The following UBE3A variants were observed in gnomAD, a reference collection of about 807,000 sequenced individuals.
The protein encoded by UBE3A is ubiquitin-protein ligase E3A.
A neutral mutation model predicts 83.4 loss-of-function variants in UBE3A; 6 were observed. That is an observed-to-expected ratio of 0.07 (90% CI 0.04 to 0.14). The LOEUF (loss-of-function observed/expected upper bound fraction) is 0.14. Among genes scored for constraint, UBE3A ranks in the 10% least tolerant of loss-of-function variants. The pLI is 1.00. For missense variants in UBE3A, 456 were observed against 1,036.1 expected, an observed-to-expected ratio of 0.44 and a Z score of 7.69; for synonymous variants, 337 against 355.4, an observed-to-expected ratio of 0.95 and a Z score of 0.58.
chr15:25,348,890 C>G (rs1414530220), intron 11 of UBE3A, among the ~76,000 whole-genome samples: 1 of 152,206 alleles, frequency 6.6e-6, no homozygotes, highest in African/African-American at 2.4e-5. Flanking sequence ...TCCAAATTGA[C>G]CTGCCCCAGT....
intron 1 of UBE3A, among the ~76,000 whole-genome samples, chr15:25,424,279 A>G (rs915757174): frequency 6.6e-6 from 1 of 151,784 alleles, no homozygotes; most frequent in Non-Finnish European, 1.5e-5. Context: ...TATTCACTAC[A>G]CTCTGCCTGA....
chr15:25,368,654 A>G (rs1371285492), intron 6 of UBE3A, among the ~76,000 whole-genome samples: 1 of 152,156 alleles, frequency 6.6e-6, no homozygotes, highest in Non-Finnish European at 1.5e-5. Context: ...ATTAAGCAGA[A>G]CTTGCTAAAA....
Position 25,433,132 on chromosome 15 carries a change from A to C in UBE3A, c.-165+5357T>G, listed in dbSNP as rs74337129. On this transcript the variant is annotated intron_variant, in intron 1 of 12. Transcript: ENST00000648336. Reference sequence around the variant, plus strand: ...AAGATCCATTGTCCATGTCAAATGGAGTTCACATATTTAAAATGAATTCAC... The same window carrying C: ...AAGATCCATTGTCCATGTCAAATGGCGTTCACATATTTAAAATGAATTCAC... Among the ~76,000 whole-genome samples the C allele has an allele frequency of 4.4e-3, 664 of 152,206 alleles. 2 individuals are homozygous for C. Among genetic ancestry groups the C allele is most frequent in the Middle Eastern group, 0.024 (7 of 294 alleles).
chr15:25,347,636 G>A (rs1046529681), intron 11 of UBE3A, among the ~76,000 whole-genome samples: 1 of 152,194 alleles, frequency 6.6e-6, no homozygotes, highest in African/African-American at 2.4e-5. Flanking sequence ...GGAAGCCGAT[G>A]TTGCAGTGAG....
At chr15:25,402,981 A>G (rs939618740) in intron 4 of UBE3A, among the ~76,000 whole-genome samples, 1 of 152,098 alleles carries the variant, frequency 6.6e-6, no homozygotes, top group Non-Finnish European at 1.5e-5. Flanking sequence ...TGGCATCCCA[A>G]CCTTTCCAAT....
At chr15:25,359,451 G>GTT (rs1186667875) in intron 7 of UBE3A, among the ~76,000 whole-genome samples, 1 of 147,712 alleles carries the variant, frequency 6.8e-6, no homozygotes, top group East Asian at 1.9e-4. Context: ...GTGTGTGTGT[G>GTT]TGTGTGTGTG....
intron 1 of UBE3A, among the ~76,000 whole-genome samples, chr15:25,435,975 A>C (rs569644727): frequency 2.0e-5 from 3 of 152,344 alleles, no homozygotes; most frequent in Admixed American, 2.0e-4. Context: ...GGCGTTTTAC[A>C]TACTTTAAGC....
intron 1 of UBE3A, among the ~76,000 whole-genome samples, chr15:25,430,058 TA>T (rs1892710007): frequency 1.9e-5 from 2 of 107,854 alleles, no homozygotes; most frequent in Admixed American, 1.1e-4. Context: ...TATTTATATG[TA>T]TTATATATAT....
Position 25,375,596 on chromosome 15 carries a change from G to C in UBE3A, c.230C>G (p.Ala77Gly). Reference sequence around the variant, plus strand: ...GGAGGGATGAGGATCACAGAGTTTTGCATTAATCTTATAAAGCTCGAGGGC... The same window carrying C: ...GGAGGGATGAGGATCACAGAGTTTTCCATTAATCTTATAAAGCTCGAGGGC... ...IKALELYKINAKLCDPHPSKK... is the reference protein window; with the variant it reads ...IKALELYKINGKLCDPHPSKK... Residue 77 changes from alanine (A) to glycine (G), a missense_variant, in exon 5 of 13, where the codon GCA becomes GGA. Coordinates refer to ENST00000648336, the MANE Select transcript of UBE3A (RefSeq NM_130839.5). 6.2e-7 allele frequency: 1 copy of C among 1,614,104 alleles called. No homozygotes were observed. Among genetic ancestry groups the C allele is most frequent in the Non-Finnish European group, 8.5e-7 (1 of 1,180,032 alleles).
Position 25,338,007 on chromosome 15 carries a change from C to G in UBE3A, c.*1130G>C, listed in dbSNP as rs1407559360. 6.6e-6 allele frequency: 1 copy of G among 152,046 alleles called. No individual in the cohort carries two copies. Among genetic ancestry groups the G allele is most frequent in the Admixed American group, 6.6e-5 (1 of 15,256 alleles). 9.4% of individuals were successfully genotyped at this position (152,046 alleles called of 1,614,324 possible). On this transcript the variant is annotated 3_prime_UTR_variant, in exon 13 of 13. Transcript: ENST00000648336. ...TTAGGAGTAATAGTTTCATTCATTT[C>G]CAGGTCAGCTTACTGTATGATTAAG...
intron 6 of UBE3A, among the ~76,000 whole-genome samples, chr15:25,365,334 T>G (rs879785706): frequency 2.0e-5 from 3 of 152,174 alleles, no homozygotes; most frequent in Admixed American, 2.0e-4. Context: ...TCTGAGCTAT[T>G]ACATCAAATC....
intron 2 of UBE3A, among the ~76,000 whole-genome samples, chr15:25,411,186 G>A (rs907586062): frequency 5.3e-5 from 8 of 152,172 alleles, no homozygotes; most frequent in African/African-American, 1.9e-4. Context: ...TAACCTCTCC[G>A]AGTCTCAGTT....
chr15:25,354,681 T>C lies in UBE3A; in HGVS notation c.2127A>G (p.Glu709=). The C allele has an allele frequency of 6.2e-7, 1 of 1,612,086 alleles. No homozygotes were observed. The highest frequency in any genetic ancestry group is 8.5e-7 in the Non-Finnish European group (1 of 1,179,146). The change falls in exon 10 of 13, where the codon GAA becomes GAG. Residue 709 remains glutamate, a splice_region_variant and synonymous_variant. Transcript: ENST00000648336. ...TGTAGTCAGAATAAAGATTGACAAA[T>C]TCCTGTAGAAAACATTAATCACAAG... ...KIPITNENRK[E]FVNLYSDYIL... is the part of the protein sequence containing the mutation.
chr15:25,405,438 A>G, intron 4 of UBE3A, 23 bp downstream of exon 4: 3 of 1,613,666 alleles, frequency 1.9e-6, no homozygotes, highest in South Asian at 1.1e-5. Context: ...TAAGAACCAC[A>G]GTCTCAACCA....
chr15:25,358,534 CAATG>C (rs760636460), intron 7 of UBE3A, among the ~76,000 whole-genome samples: 30 of 151,868 alleles, frequency 2.0e-4, no homozygotes, highest in Non-Finnish European at 3.4e-4. Context: ...TACTGTGAAA[CAATG>C]AAAACATCTT....
At chr15:25,383,732 T>C (rs923604019) in intron 4 of UBE3A, among the ~76,000 whole-genome samples, 6 of 152,170 alleles carry the variant, frequency 3.9e-5, no homozygotes. Flanking sequence ...CCACAGCTAA[T>C]GTTATTCAAT....
chr15:25,433,481 T>G (rs969386976), intron 1 of UBE3A, among the ~76,000 whole-genome samples: 38 of 152,176 alleles, frequency 2.5e-4, no homozygotes, highest in African/African-American at 8.2e-4. Flanking sequence ...CCATGGCACT[T>G]GGCCTCTAAA....
At chr15:25,394,322 T>C (rs554415303) in intron 4 of UBE3A, among the ~76,000 whole-genome samples, 1 of 152,300 alleles carries the variant, frequency 6.6e-6, no homozygotes, top group South Asian at 2.1e-4. Context: ...TCTCTAATTA[T>C]TTGACCTTGA....
intron 6 of UBE3A, among the ~76,000 whole-genome samples, chr15:25,363,736 C>G (rs557556523): frequency 6.6e-6 from 1 of 151,950 alleles, no homozygotes; most frequent in East Asian, 1.9e-4. Context: ...TTTTTTACAA[C>G]AAATACATTT....
Sources: gnomAD v4.1 joint callset for allele counts (sites outside exome capture counted in the v4.1 genomes callset) on GRCh38, gnomAD v4.1.1 for gene constraint, MANE v1.5 for transcripts, NCBI Gene and HGNC (gene_info 2026-07-23, HGNC 2026-07-21) for gene names.